HCN1: variants seen among roughly 807,000 people sequenced by gnomAD.
HCN1 encodes hyperpolarization activated cyclic nucleotide gated potassium channel 1.
In HCN1, 13 loss-of-function variants were observed where a neutral mutation model predicts 78.9. The ratio of observed to expected loss-of-function variants is 0.16; its 90% CI spans 0.11 to 0.26. HCN1 has a LOEUF of 0.26. Ranked by LOEUF, HCN1 falls within the 10% of genes least tolerant of loss-of-function variation. The pLI is 1.00. For synonymous variants in HCN1, 552 were observed against 455.5 expected (o/e 1.21, Z -2.70); for missense variants, 810 against 1,154.3 (o/e 0.70, Z 4.32).
chr5:45,609,931 T>C (rs777824809), intron 2 of HCN1, among the ~76,000 whole-genome samples: 1 of 152,102 alleles, frequency 6.6e-6, no homozygotes. Flanking sequence ...GAAGCTGATA[T>C]AAAAGACCTT....
At chr5:45,478,004 A>G (rs1226338595) in intron 2 of HCN1, among the ~76,000 whole-genome samples, 1 of 152,178 alleles carries the variant, frequency 6.6e-6, no homozygotes, top group East Asian at 1.9e-4. Context: ...AGTATTTCCA[A>G]AATAATCCAT....
chr5:45,335,985 A>G (rs1285389408), intron 5 of HCN1, among the ~76,000 whole-genome samples: 6 of 152,214 alleles, frequency 3.9e-5, no homozygotes. Context: ...TGTGTTATAT[A>G]GCTGAAAAAT....
chr5:45,311,843 A>C (rs1175435759), intron 5 of HCN1, among the ~76,000 whole-genome samples: 1 of 152,194 alleles, frequency 6.6e-6, no homozygotes, highest in Non-Finnish European at 1.5e-5. Flanking sequence ...CCTGGAGGGA[A>C]TTTTCACCCT....
chr5:45,524,825 T>C (rs2111788646), intron 2 of HCN1, among the ~76,000 whole-genome samples: 1 of 152,312 alleles, frequency 6.6e-6, no homozygotes, highest in South Asian at 2.1e-4. Context: ...TGACTTCCTC[T>C]TTTCCTAATT....
chr5:45,282,506 TC>T (rs1745189048), intron 6 of HCN1, among the ~76,000 whole-genome samples: 1 of 152,196 alleles, frequency 6.6e-6, no homozygotes, highest in African/African-American at 2.4e-5. Context: ...TAAAGACAAT[TC>T]TTCCCCAAAC....
intron 3 of HCN1, among the ~76,000 whole-genome samples, chr5:45,433,689 G>C (rs1740509013): frequency 6.6e-6 from 1 of 152,028 alleles, no homozygotes; most frequent in Non-Finnish European, 1.5e-5. Context: ...TCTGTCATTA[G>C]CCTGGCAAAA....
chr5:45,671,426 T>C (rs1463497204), intron 1 of HCN1, among the ~76,000 whole-genome samples: 3 of 151,408 alleles, frequency 2.0e-5, no homozygotes, highest in Admixed American at 1.3e-4. Flanking sequence ...TATATAGCTA[T>C]AGATAATCGC....
At chr5:45,339,670 A>C (rs1225905232) in intron 5 of HCN1, among the ~76,000 whole-genome samples, 1 of 152,150 alleles carries the variant, frequency 6.6e-6, no homozygotes, top group Non-Finnish European at 1.5e-5. Flanking sequence ...CATTTTAGCT[A>C]ATTGACATTC....
chr5:45,598,267 C>A (rs1284987819), intron 2 of HCN1, among the ~76,000 whole-genome samples: 1 of 152,122 alleles, frequency 6.6e-6, no homozygotes, highest in Non-Finnish European at 1.5e-5. Flanking sequence ...GACCACGCAT[C>A]TACAATCATC....
intron 3 of HCN1, among the ~76,000 whole-genome samples, chr5:45,442,168 A>G (rs1740691546): frequency 6.6e-6 from 1 of 152,162 alleles, no homozygotes; most frequent in African/African-American, 2.4e-5. Context: ...AATTAGGGCA[A>G]CAAATCTTCA....
At chr5:45,374,025 A>C (rs1475189764) in intron 4 of HCN1, among the ~76,000 whole-genome samples, 15 of 110,786 alleles carry the variant, frequency 1.4e-4, no homozygotes, top group Middle Eastern at 0.013. Flanking sequence ...TATATTATAT[A>C]TATTATATAC....
At chr5:45,367,963 T>G (rs1220790089) in intron 4 of HCN1, among the ~76,000 whole-genome samples, 1 of 151,784 alleles carries the variant, frequency 6.6e-6, no homozygotes, top group Non-Finnish European at 1.5e-5. Flanking sequence ...TTATGCAAAG[T>G]AAAGAAGTGA....
At chr5:45,374,119 A>G (rs566524409) in intron 4 of HCN1, among the ~76,000 whole-genome samples, 61 of 115,076 alleles carry the variant, frequency 5.3e-4, no homozygotes, top group African/African-American at 1.9e-3. Context: ...TATACATAAT[A>G]TATATAATAT....
chr5:45,401,584 A>G (rs79132395), intron 3 of HCN1, among the ~76,000 whole-genome samples: 8,188 of 151,122 alleles, frequency 0.054, 296 homozygotes, highest in East Asian at 0.14. Context: ...GATTATTCCT[A>G]TGTCCTGAAT....
intron 2 of HCN1, among the ~76,000 whole-genome samples, chr5:45,501,863 T>C (rs1742196385): frequency 6.6e-6 from 1 of 152,158 alleles, no homozygotes; most frequent in Non-Finnish European, 1.5e-5. Context: ...TCAACCAGAT[T>C]TTAAATTTCA....
intron 6 of HCN1, among the ~76,000 whole-genome samples, chr5:45,270,052 G>A (rs1031411459): frequency 1.3e-5 from 2 of 152,138 alleles, no homozygotes; most frequent in Admixed American, 6.5e-5. Context: ...AGTAGGCAAG[G>A]CCAGCATTTG....
chr5:45,525,919 T>TA (rs1171551992), intron 2 of HCN1, among the ~76,000 whole-genome samples: 1 of 151,974 alleles, frequency 6.6e-6, no homozygotes, highest in Admixed American at 6.6e-5. Context: ...AGAGCCCTCA[T>TA]AATGGGATTA....
At chr5:45,449,966 G>A (rs1740884578) in intron 3 of HCN1, among the ~76,000 whole-genome samples, 1 of 152,024 alleles carries the variant, frequency 6.6e-6, no homozygotes, top group Admixed American at 6.5e-5. Flanking sequence ...CCGAGTACGT[G>A]GGACTGCAGG....
intron 4 of HCN1, among the ~76,000 whole-genome samples, chr5:45,377,023 A>G (rs887108315): frequency 6.6e-6 from 1 of 152,008 alleles, no homozygotes; most frequent in Admixed American, 6.6e-5. Context: ...TATCTTGGAC[A>G]AGAAAGTAAT....
Sources: allele counts gnomAD v4.1 joint callset (sites outside exome capture counted in the v4.1 genomes callset), GRCh38; gene constraint gnomAD v4.1.1; transcripts MANE v1.5; gene names NCBI Gene and HGNC (gene_info 2026-07-23, HGNC 2026-07-21).